The following FHOD3 variants were observed in gnomAD, a reference collection of about 807,000 sequenced individuals.
The protein encoded by FHOD3 is FH1/FH2 domain-containing protein 3.
In FHOD3, 90 loss-of-function variants were observed where a neutral mutation model predicts 173.0. That is an observed-to-expected ratio of 0.52 (90% confidence interval 0.44 to 0.62). The LOEUF (loss-of-function observed/expected upper bound fraction) is 0.62, where lower values mean the gene tolerates loss of function less well. Ranked by LOEUF, FHOD3 falls within the 20% of genes least tolerant of loss-of-function variation. The probability of loss-of-function intolerance (pLI) is 0.00; values close to 1 mark genes in which losing one functional copy is unlikely to be tolerated. For synonymous variants in FHOD3, 828 were observed against 823.0 expected (o/e 1.01, Z -0.10); for missense variants, 1,945 against 2,034.7 (o/e 0.96, Z 0.85).
intron 10 of FHOD3, among the ~76,000 whole-genome samples, chr18:36,638,268 G>A (rs958035579): frequency 6.6e-6 from 1 of 152,222 alleles, no homozygotes; most frequent in African/African-American, 2.4e-5. Context: ...CCAAGGGCAT[G>A]CCATGTGCAA....
At chr18:36,657,929 C>A in intron 13 of FHOD3, 146 bp from the exon 14 acceptor site, 2 of 582,350 alleles carry the variant, frequency 3.4e-6, no homozygotes, top group East Asian at 6.8e-5. Flanking sequence ...GAACAAACCT[C>A]TTTAGGTAGA....
At chr18:36,319,647 T>G (rs1001206707) in intron 1 of FHOD3, among the ~76,000 whole-genome samples, 8 of 152,188 alleles carry the variant, frequency 5.3e-5, no homozygotes, top group African/African-American at 1.9e-4. Flanking sequence ...CTAATAGACA[T>G]CTACAGGACT....
intron 18 of FHOD3, chr18:36,711,288 G>A (rs530554103): frequency 2.0e-5 from 3 of 152,290 alleles, no homozygotes; most frequent in African/African-American, 4.8e-5. Context: ...AAATCACAGA[G>A]CAACCTTAGA....
At chr18:36,494,028 A>G (rs1478058914) in intron 3 of FHOD3, among the ~76,000 whole-genome samples, 2 of 152,184 alleles carry the variant, frequency 1.3e-5, no homozygotes, top group African/African-American at 4.8e-5. Flanking sequence ...CCGTTCTTGA[A>G]GGGGATTTTT....
In FHOD3 at chr18:36,730,630, C is replaced by G; in HGVS notation, c.3418-16C>G. 6.2e-7 allele frequency: 1 copy of G among 1,607,564 alleles called. No homozygotes were observed. Among genetic ancestry groups the G allele is most frequent in the Non-Finnish European group, 8.5e-7 (1 of 1,177,574 alleles). On this transcript the variant is annotated splice_polypyrimidine_tract_variant and intron_variant, in intron 19 of 28. Coordinates refer to ENST00000590592, the MANE Select transcript of FHOD3 (RefSeq NM_001281740.3). ...GATGATGCATTAATCTTGGATTCTC[C>G]TTTTTTATCACTAAGAAAACTGCTG...
chr18:36,361,657 G>A (rs2046624598), intron 2 of FHOD3, among the ~76,000 whole-genome samples: 1 of 146,434 alleles, frequency 6.8e-6, no homozygotes, highest in South Asian at 2.1e-4. Flanking sequence ...CTGTACTCCA[G>A]CCTGGCTGAC....
chr18:36,452,854 A>T (rs1599177677), intron 3 of FHOD3, among the ~76,000 whole-genome samples: 1 of 151,928 alleles, frequency 6.6e-6, no homozygotes. Context: ...ATATGTATGT[A>T]TGTATATGTA....
rs112305852 is a variant in FHOD3, at chr18:36,755,328, C to G, written c.4425+17C>G. 7 of 1,532,728 alleles carry G rather than the reference C, an allele frequency of 4.6e-6. No homozygotes were observed. The highest frequency in any genetic ancestry group is 2.8e-5 in the African/African-American group (2 of 72,406). The allele number at this position is 1,532,728 out of a possible 1,614,324, so 94.9% of individuals were successfully genotyped here. On this transcript the variant is annotated intron_variant, in intron 25 of 28. Transcript: ENST00000590592. The stretch of plus-strand genomic sequence containing the variant: ...ATCACCGATGTAAGTTTCACACAAT[C>G]CCTCTCCTTATGTCATTCGTTTTCA...
At chr18:36,385,680 C>T (rs1160240139) in intron 3 of FHOD3, among the ~76,000 whole-genome samples, 2 of 152,328 alleles carry the variant, frequency 1.3e-5, no homozygotes, top group Non-Finnish European at 1.5e-5. Context: ...GGATTACAGG[C>T]GTGAGCCACT....
At chr18:36,618,120 A>G (rs1212755574) in intron 9 of FHOD3, among the ~76,000 whole-genome samples, 4 of 151,128 alleles carry the variant, frequency 2.6e-5, no homozygotes, top group East Asian at 1.9e-4. Flanking sequence ...TCTGACTTTT[A>G]TATGAATTGC....
chr18:36,748,503 G>A lies in FHOD3; in HGVS notation c.4232+1368G>A, dbSNP rs1023006073. On this transcript the variant is annotated intron_variant, in intron 24 of 28. Transcript: ENST00000590592. Reference sequence around the variant, plus strand: ...TTATAAAGCTGTTGAGCTTGGTTATGTTAACCATTTTATCCCAGACAGATT... The same window carrying A: ...TTATAAAGCTGTTGAGCTTGGTTATATTAACCATTTTATCCCAGACAGATT... 1.4e-4 allele frequency among the ~76,000 whole-genome samples: 22 copies of A among 152,160 alleles called. No individual in the cohort carries two copies. In the East Asian group the frequency reaches 1.7e-3, roughly 12 times the overall value.
intron 19 of FHOD3, among the ~76,000 whole-genome samples, chr18:36,725,992 T>TCATA (rs1327815634): frequency 6.6e-6 from 1 of 152,156 alleles, no homozygotes; most frequent in Non-Finnish European, 1.5e-5. Flanking sequence ...TTTGACACTT[T>TCATA]CATACATATA....
chr18:36,512,631 TAA>T lies in FHOD3; in HGVS notation c.511+91_511+92del. The stretch of plus-strand genomic sequence containing the variant: ...AGGAACTTAACTACTGAGAGCTTTT[TAA>T]AAGACTTCGATTTGAGAGTAAGGTG... On this transcript the variant is annotated intron_variant, in intron 5 of 28. Coordinates refer to ENST00000590592, the MANE Select transcript of FHOD3 (RefSeq NM_001281740.3). 8 of 920,980 alleles carry T rather than the reference TAA, an allele frequency of 8.7e-6. 1 individual carries two copies. In the South Asian group the frequency reaches 1.1e-4, roughly 13 times the overall value. The allele number at this position is 920,980 out of a possible 1,614,324, so 57.1% of individuals were successfully genotyped here. A position where few individuals can be genotyped will look rare whatever the true frequency, so the allele number is the denominator to read the frequency against.
At chr18:36,501,639 G>C (rs2055036789) in intron 3 of FHOD3, among the ~76,000 whole-genome samples, 1 of 152,224 alleles carries the variant, frequency 6.6e-6, no homozygotes, top group South Asian at 2.1e-4. Context: ...AAATCTAGGT[G>C]ATAGTTGTCA....
chr18:36,474,279 G>A (rs141803578), intron 3 of FHOD3, among the ~76,000 whole-genome samples: 2,293 of 152,276 alleles, frequency 0.015, 25 homozygotes, highest in Middle Eastern at 0.027. Context: ...ACAGGAACAT[G>A]GCTCTCTTCT....
intron 28 of FHOD3, among the ~76,000 whole-genome samples, chr18:36,777,265 C>T (rs1343488791): frequency 6.7e-6 from 1 of 149,006 alleles, no homozygotes; most frequent in Non-Finnish European, 1.5e-5. Flanking sequence ...TGCAGTGGCA[C>T]CATCTCGGCT....
chr18:36,535,274 T>C (rs532911653), intron 5 of FHOD3, among the ~76,000 whole-genome samples: 10 of 152,254 alleles, frequency 6.6e-5, no homozygotes, highest in Non-Finnish European at 8.8e-5. Flanking sequence ...GATTGGAAGA[T>C]CCAGAATGAG....
At chr18:36,642,931 G>A (rs1004892591) in intron 10 of FHOD3, among the ~76,000 whole-genome samples, 11 of 151,174 alleles carry the variant, frequency 7.3e-5, no homozygotes, top group East Asian at 5.8e-4. Context: ...TTCAATGGAC[G>A]TATTTTTTAA....
At chr18:36,745,027 T>G (rs1022845996) in intron 23 of FHOD3, among the ~76,000 whole-genome samples, 1 of 152,088 alleles carries the variant, frequency 6.6e-6, no homozygotes, top group African/African-American at 2.4e-5. Context: ...TACTGGGGTG[T>G]GTTGGAATCC....
Sources: gnomAD v4.1 joint callset for allele counts (sites outside exome capture counted in the v4.1 genomes callset) on GRCh38, gnomAD v4.1.1 for gene constraint, MANE v1.5 for transcripts, NCBI Gene and HGNC (gene_info 2026-07-23, HGNC 2026-07-21) for gene names.